ACSS3: variants seen among roughly 807,000 people sequenced by gnomAD.
ACSS3 encodes acyl-CoA synthetase short chain family member 3, also known as acyl-CoA synthetase short-chain family member 3, mitochondrial.
A neutral mutation model predicts 84.2 loss-of-function variants in ACSS3; 64 were observed. The ratio of observed to expected loss-of-function variants is 0.76; its 90% CI spans 0.62 to 0.94. ACSS3 has a LOEUF of 0.94. Among genes scored for constraint, ACSS3 ranks in the 40% least tolerant of loss-of-function variants. The pLI is 0.00. For synonymous variants in ACSS3, 317 were observed against 310.1 expected (o/e 1.02, Z -0.23); for missense variants, 815 against 867.6 (o/e 0.94, Z 0.76).
intron 7 of ACSS3, among the ~76,000 whole-genome samples, chr12:81,159,302 T>A (rs754164353): frequency 5.3e-5 from 8 of 152,084 alleles, no homozygotes; most frequent in African/African-American, 1.9e-4. Flanking sequence ...TATAAGCTCC[T>A]ATCTCAAGAA....
intron 13 of ACSS3, among the ~76,000 whole-genome samples, chr12:81,243,397 G>A (rs1209745117): frequency 6.6e-6 from 1 of 152,136 alleles, no homozygotes; most frequent in Non-Finnish European, 1.5e-5. Context: ...ACGCTCATGG[G>A]TAGGAAGAAT....
chr12:81,225,340 T>C (rs944259766), intron 11 of ACSS3, among the ~76,000 whole-genome samples: 5 of 152,004 alleles, frequency 3.3e-5, no homozygotes, highest in Non-Finnish European at 5.9e-5. Context: ...ATACCACATC[T>C]TGTTAGTGAG....
chr12:81,223,006 G>T (rs755526147), intron 11 of ACSS3, among the ~76,000 whole-genome samples: 2 of 151,988 alleles, frequency 1.3e-5, no homozygotes, highest in African/African-American at 2.4e-5. Flanking sequence ...ATTTTAGAAG[G>T]TATTCGTGTA....
chr12:81,219,445 C>A (rs775911678), intron 10 of ACSS3, among the ~76,000 whole-genome samples: 1 of 151,866 alleles, frequency 6.6e-6, no homozygotes, highest in Non-Finnish European at 1.5e-5. Context: ...TAGTTTGCAC[C>A]AAGGGTTACT....
chr12:81,129,484 A>G (rs1181633852), intron 2 of ACSS3, among the ~76,000 whole-genome samples: 1 of 152,116 alleles, frequency 6.6e-6, no homozygotes, highest in East Asian at 1.9e-4. Flanking sequence ...GAGAAACTGG[A>G]GATCTAGATT....
At chr12:81,197,308 A>T (rs1327647398) in intron 8 of ACSS3, among the ~76,000 whole-genome samples, 1 of 152,190 alleles carries the variant, frequency 6.6e-6, no homozygotes, top group East Asian at 1.9e-4. Flanking sequence ...TCTGTAGAAT[A>T]ATTAAACTGT....
intron 1 of ACSS3, among the ~76,000 whole-genome samples, chr12:81,106,511 C>T (rs1034214382): frequency 8.5e-5 from 13 of 152,094 alleles, no homozygotes; most frequent in Admixed American, 2.6e-4. Flanking sequence ...GCGCTTGAAT[C>T]ATCCTGAAAC....
intron 8 of ACSS3, among the ~76,000 whole-genome samples, chr12:81,190,698 A>G (rs1445181379): frequency 1.3e-5 from 2 of 152,028 alleles, no homozygotes; most frequent in Admixed American, 6.6e-5. Context: ...GAAAGCTTTC[A>G]ATATTCATTA....
chr12:81,230,495 T>C (rs1289900722), intron 11 of ACSS3, among the ~76,000 whole-genome samples: 1 of 151,786 alleles, frequency 6.6e-6, no homozygotes, highest in Non-Finnish European at 1.5e-5. Context: ...CATGTGTTTA[T>C]AGAAGTGAGA....
chr12:81,225,766 G>A (rs576201223), intron 11 of ACSS3, among the ~76,000 whole-genome samples: 8 of 152,010 alleles, frequency 5.3e-5, no homozygotes, highest in South Asian at 2.1e-4. Flanking sequence ...TCCTTGTATC[G>A]TTAATGTGTA....
intron 9 of ACSS3, among the ~76,000 whole-genome samples, chr12:81,214,256 C>T (rs534482528): frequency 6.6e-6 from 1 of 151,966 alleles, no homozygotes; most frequent in Non-Finnish European, 1.5e-5. Flanking sequence ...AAACTCATGA[C>T]CTCTGGTGAT....
At chr12:81,153,906 C>G (rs1298177083) in intron 7 of ACSS3, among the ~76,000 whole-genome samples, 1 of 152,162 alleles carries the variant, frequency 6.6e-6, no homozygotes, top group Non-Finnish European at 1.5e-5. Flanking sequence ...TAGACTTTGA[C>G]ACAAGTATTA....
intron 13 of ACSS3, among the ~76,000 whole-genome samples, chr12:81,246,595 A>G (rs1010276338): frequency 6.6e-6 from 1 of 152,206 alleles, no homozygotes; most frequent in Non-Finnish European, 1.5e-5. Flanking sequence ...CTACCAATAT[A>G]TATTTTAGCC....
At chr12:81,250,446 G>C (rs538231744) in intron 13 of ACSS3, among the ~76,000 whole-genome samples, 1 of 151,988 alleles carries the variant, frequency 6.6e-6, no homozygotes, top group South Asian at 2.1e-4. Flanking sequence ...TATATTATAG[G>C]AAATGTTGTA....
chr12:81,214,308 G>A (rs1229033666), intron 9 of ACSS3, among the ~76,000 whole-genome samples: 1 of 152,098 alleles, frequency 6.6e-6, no homozygotes, highest in African/African-American at 2.4e-5. Flanking sequence ...TTACAGGCAT[G>A]AGCCACTACG....
At chr12:81,173,083 C>T (rs771271936) in intron 7 of ACSS3, among the ~76,000 whole-genome samples, 1 of 152,168 alleles carries the variant, frequency 6.6e-6, no homozygotes, top group Non-Finnish European at 1.5e-5. Flanking sequence ...TGGGTGAGAT[C>T]ACGTTTTCTA....
rs1885959690 is a variant in ACSS3 at position 81,139,211 on chromosome 12, A to G, written c.726A>G (p.Leu242=). The change falls in exon 4 of 16, where the codon CTA becomes CTG. Residue 242 remains leucine (L), a synonymous_variant. Coordinates refer to ENST00000548058, the MANE Select transcript of ACSS3 (RefSeq NM_024560.4). The part of the protein sequence containing the change: ...VEYVPLVEEA[L]KIGQHKPDKI... ...ACGTACCACTTGTAGAAGAAGCGCT[A>G]AAAATAGGACAACACAAACCAGACA... 1 of 1,613,936 alleles carries G rather than the reference A, an allele frequency of 6.2e-7. No homozygotes were observed. Among genetic ancestry groups the G allele is most frequent in the Admixed American group, 1.7e-5 (1 of 60,004 alleles).
chr12:81,081,046 T>C (rs938050567), intron 1 of ACSS3, among the ~76,000 whole-genome samples: 12 of 152,184 alleles, frequency 7.9e-5, no homozygotes. Context: ...AGTCACAGTC[T>C]CTGATGCCCT....
chr12:81,152,218 T>C, intron 7 of ACSS3, 122 bp downstream of exon 7: 1 of 634,302 alleles, frequency 1.6e-6, no homozygotes, highest in Non-Finnish European at 2.6e-6. Flanking sequence ...TTATATCTTC[T>C]TCCAGTTAAA....
Sources: gnomAD v4.1 joint callset for allele counts (sites outside exome capture counted in the v4.1 genomes callset) on GRCh38, gnomAD v4.1.1 for gene constraint, MANE v1.5 for transcripts, NCBI Gene and HGNC (gene_info 2026-07-23, HGNC 2026-07-21) for gene names.